Variants in OR51B5 observed in about 807,000 individuals in gnomAD.
OR51B5 encodes olfactory receptor 51B5.
For missense variants in OR51B5, 456 were observed against 374.6 expected (o/e 1.22, Z -1.79); for synonymous variants, 186 against 144.8 (o/e 1.28, Z -2.04).
chr11:5,486,755 A>G (rs1051732293), intron 1 of OR51B5, among the ~76,000 whole-genome samples: 5 of 152,188 alleles, frequency 3.3e-5, no homozygotes, highest in African/African-American at 1.2e-4. Context: ...GCTGATGCCC[A>G]TGACTTTTTG....
At chr11:5,473,913 C>T (rs758550674) in intron 1 of OR51B5, among the ~76,000 whole-genome samples, 13 of 151,226 alleles carry the variant, frequency 8.6e-5, no homozygotes, top group African/African-American at 1.2e-4. Flanking sequence ...AGAGAGTGTG[C>T]ACGGGAAAGT....
At chr11:5,355,610 C>G (rs911565318) in intron 1 of OR51B5, 2 of 152,278 alleles carry the variant, frequency 1.3e-5, no homozygotes, top group Non-Finnish European at 1.5e-5. Flanking sequence ...GACAAAGGAA[C>G]TGCAGCAGGA....
chr11:5,353,592 T>G (rs1849137054), intron 1 of OR51B5, among the ~76,000 whole-genome samples: 1 of 152,056 alleles, frequency 6.6e-6, no homozygotes, highest in Non-Finnish European at 1.5e-5. Context: ...GAAGAGGGGG[T>G]TTGTGGTCCT....
chr11:5,479,712 C>T (rs932957439), intron 1 of OR51B5, among the ~76,000 whole-genome samples: 2 of 148,898 alleles, frequency 1.3e-5, no homozygotes, highest in Non-Finnish European at 3.0e-5. Context: ...GGTTGCAATC[C>T]TAGTCTCTGA....
At chr11:5,412,435 G>C (rs1003090948) in intron 1 of OR51B5, among the ~76,000 whole-genome samples, 3 of 152,168 alleles carry the variant, frequency 2.0e-5, no homozygotes, top group Admixed American at 6.5e-5. Context: ...GCCAGACAGT[G>C]GGCGCAGGTC....
intron 1 of OR51B5, among the ~76,000 whole-genome samples, chr11:5,408,721 A>C (rs1589979922): frequency 6.6e-6 from 1 of 152,150 alleles, no homozygotes; most frequent in Non-Finnish European, 1.5e-5. Context: ...CCAAGCCTCA[A>C]AACACCAAGC....
chr11:5,368,241 A>G (rs1475152643), intron 1 of OR51B5, among the ~76,000 whole-genome samples: 2 of 152,182 alleles, frequency 1.3e-5, no homozygotes, highest in Admixed American at 1.3e-4. Flanking sequence ...CTTATGCAGT[A>G]GTTTTGGGAA....
chr11:5,487,927 C>G (rs996388291), intron 1 of OR51B5, among the ~76,000 whole-genome samples: 1 of 152,150 alleles, frequency 6.6e-6, no homozygotes, highest in African/African-American at 2.4e-5. Context: ...AAAGCATATT[C>G]AGGTTGCCTA....
intron 1 of OR51B5, among the ~76,000 whole-genome samples, chr11:5,381,572 T>C (rs998203413): frequency 1.3e-5 from 2 of 152,234 alleles, no homozygotes; most frequent in African/African-American, 4.8e-5. Flanking sequence ...GTGAGCTTCA[T>C]AAAGGCAAGA....
chr11:5,367,087 G>T (rs1430987902), intron 1 of OR51B5, among the ~76,000 whole-genome samples: 2 of 152,206 alleles, frequency 1.3e-5, no homozygotes, highest in Non-Finnish European at 2.9e-5. Context: ...CAGGAATGTG[G>T]TTCTGAAGGA....
exon 1 of OR51B5, chr11:5,505,629 T>C (rs116552913): frequency 9.7e-5 from 44 of 454,908 alleles, no homozygotes; most frequent in East Asian, 7.2e-4. Flanking sequence ...CACATCCTAC[T>C]GGAATGGCAG....
chr11:5,448,292 T>A (rs1477401369), intron 1 of OR51B5, among the ~76,000 whole-genome samples: 1 of 152,094 alleles, frequency 6.6e-6, no homozygotes, highest in East Asian at 1.9e-4. Context: ...GCCAACAGAG[T>A]CACTTAATAT....
chr11:5,468,218 C>G (rs1224123420), intron 1 of OR51B5, among the ~76,000 whole-genome samples: 1 of 152,106 alleles, frequency 6.6e-6, no homozygotes, highest in Non-Finnish European at 1.5e-5. Flanking sequence ...TACATTGGGA[C>G]AAAAAGGATT....
At chr11:5,349,133 G>C (rs1849036898) in intron 1 of OR51B5, among the ~76,000 whole-genome samples, 1 of 152,084 alleles carries the variant, frequency 6.6e-6, no homozygotes, top group Admixed American at 6.6e-5. Flanking sequence ...AATGGCTGCA[G>C]GGATGAGGCA....
intron 1 of OR51B5, chr11:5,392,028 T>C (rs1200828888): frequency 6.6e-6 from 1 of 152,152 alleles, no homozygotes; most frequent in African/African-American, 2.4e-5. Context: ...ATAATCACAC[T>C]ACTGCCTGGG....
At chr11:5,495,172 C>T (rs936244630) in intron 1 of OR51B5, among the ~76,000 whole-genome samples, 1 of 152,118 alleles carries the variant, frequency 6.6e-6, no homozygotes, top group Non-Finnish European at 1.5e-5. Context: ...ATGCACTGAA[C>T]GAGTTCATCA....
At chr11:5,370,901 G>A (rs958178004) in intron 1 of OR51B5, among the ~76,000 whole-genome samples, 1 of 152,182 alleles carries the variant, frequency 6.6e-6, no homozygotes, top group African/African-American at 2.4e-5. Flanking sequence ...GAGTTGTAGA[G>A]GCAAAAGAAG....
intron 1 of OR51B5, chr11:5,389,395 A>C: frequency 6.2e-7 from 1 of 1,610,042 alleles, no homozygotes; most frequent in East Asian, 2.2e-5. Context: ...TCAATCCCCG[A>C]GGAATGTCAG....
At chr11:5,445,554 A>G (rs1303286775) in intron 1 of OR51B5, among the ~76,000 whole-genome samples, 2 of 152,004 alleles carry the variant, frequency 1.3e-5, no homozygotes, top group South Asian at 2.1e-4. Flanking sequence ...CTTATAGTAT[A>G]CAGACCAATA....
Sources: allele counts gnomAD v4.1 joint callset (sites outside exome capture counted in the v4.1 genomes callset), GRCh38; gene constraint gnomAD v4.1.1; transcripts MANE v1.5; gene names NCBI Gene and HGNC (gene_info 2026-07-23, HGNC 2026-07-21).